RIPOR3: variants seen among roughly 807,000 people sequenced by gnomAD.
RIPOR3 encodes the protein family with sequence similarity 65 member C.
Under a neutral mutation model 114.3 loss-of-function variants are expected in RIPOR3, and 95 were observed. The observed-to-expected ratio is 0.83, with a 90% CI of 0.70 to 0.99. The LOEUF (loss-of-function observed/expected upper bound fraction) is 0.99. RIPOR3 is among the 50% of genes least tolerant of loss of function. The pLI, the probability that RIPOR3 is intolerant of heterozygous loss-of-function variation, is 0.00. For missense variants in RIPOR3, 1,252 were observed against 1,266.9 expected (o/e 0.99, Z 0.18); for synonymous variants, 575 against 543.8 (o/e 1.06, Z -0.80).
intron 2 of RIPOR3, among the ~76,000 whole-genome samples, chr20:50,626,103 A>G (rs557009133): frequency 6.6e-6 from 1 of 152,342 alleles, no homozygotes; most frequent in East Asian, 1.9e-4. Context: ...TGCTCGGGTT[A>G]CCAGGGAACA....
chr20:50,619,965 C>T, intron 3 of RIPOR3, 21 bp downstream of exon 3: 1 of 1,603,018 alleles, frequency 6.2e-7, no homozygotes, highest in Middle Eastern at 1.7e-4. Context: ...TTCTTAAAGG[C>T]AGCACACAGC....
chr20:50,640,105 C>A (rs2085134712), intron 1 of RIPOR3, among the ~76,000 whole-genome samples: 1 of 152,106 alleles, frequency 6.6e-6, no homozygotes, highest in Admixed American at 6.6e-5. Flanking sequence ...CAGTATTGCT[C>A]GGGCACCTTC....
intron 1 of RIPOR3, among the ~76,000 whole-genome samples, chr20:50,641,218 T>A (rs2085182011): frequency 6.6e-6 from 1 of 151,678 alleles, no homozygotes; most frequent in African/African-American, 2.4e-5. Flanking sequence ...GCTCACTTCT[T>A]TTTTTTTCTG....
intron 13 of RIPOR3, among the ~76,000 whole-genome samples, chr20:50,599,239 A>G (rs962096721): frequency 6.6e-6 from 1 of 152,086 alleles, no homozygotes; most frequent in Non-Finnish European, 1.5e-5. Flanking sequence ...TAAAAATACA[A>G]AAATTAGCCG....
intron 3 of RIPOR3, 108 bp from the exon 4 acceptor site, chr20:50,616,188 C>G (rs77423028): frequency 0.062 from 70,428 of 1,130,232 alleles, 2,714 homozygotes; most frequent in Non-Finnish European, 0.075. Flanking sequence ...CGGGGCTCAG[C>G]GGGGCTCAGA....
chr20:50,656,650 C>T (rs2085822214), intron 1 of RIPOR3, among the ~76,000 whole-genome samples: 1 of 151,124 alleles, frequency 6.6e-6, no homozygotes, highest in Non-Finnish European at 1.5e-5. Flanking sequence ...CAGGCACCCA[C>T]CACCATGCCC....
chr20:50,594,418 T>G, intron 17 of RIPOR3, 135 bp downstream of exon 17: 2 of 1,084,866 alleles, frequency 1.8e-6, no homozygotes, highest in South Asian at 1.8e-5. Context: ...CTGAGAAAGC[T>G]CCTCCGTCCG....
At chr20:50,668,950 G>C (rs540610115) in intron 1 of RIPOR3, among the ~76,000 whole-genome samples, 1 of 151,748 alleles carries the variant, frequency 6.6e-6, no homozygotes, top group Admixed American at 6.6e-5. Context: ...GCATTCACAT[G>C]CACACATGCC....
At chr20:50,668,891 G>A (rs1159951300) in intron 1 of RIPOR3, among the ~76,000 whole-genome samples, 4 of 151,812 alleles carry the variant, frequency 2.6e-5, no homozygotes, top group African/African-American at 9.7e-5. Flanking sequence ...TGATGAGGCT[G>A]CACACACACA....
chr20:50,674,885 C>T (rs1178085534), intron 1 of RIPOR3, among the ~76,000 whole-genome samples: 1 of 151,832 alleles, frequency 6.6e-6, no homozygotes, highest in African/African-American at 2.4e-5. Context: ...GAGTTCAAGA[C>T]CGGCCTGGGC....
chr20:50,661,488 A>G (rs2085994790), intron 1 of RIPOR3, among the ~76,000 whole-genome samples: 1 of 152,198 alleles, frequency 6.6e-6, no homozygotes, highest in African/African-American at 2.4e-5. Flanking sequence ...CCAAACAAAC[A>G]TTCCTCCCTA....
At chr20:50,651,206 G>A (rs2085593486) in intron 1 of RIPOR3, among the ~76,000 whole-genome samples, 1 of 151,960 alleles carries the variant, frequency 6.6e-6, no homozygotes, top group Non-Finnish European at 1.5e-5. Flanking sequence ...GAGGCCTCTA[G>A]AAGCTGAAAG....
chr20:50,633,980 C>CTTTTTTTTTTTTTT (rs375758598), intron 1 of RIPOR3, among the ~76,000 whole-genome samples: 1 of 131,036 alleles, frequency 7.6e-6, no homozygotes, highest in Non-Finnish European at 1.6e-5. Context: ...TCTTTCTTTT[C>CTTTTTTTTTTTTTT]TTTTTTTTTT....
At position 50,608,873 on chromosome 20, in the gene RIPOR3, C is replaced by T. The variant is rs181394831; in HGVS notation, c.684+39G>A. ...CAGCTCCCGTCCCCCAAAGACCTGG[C>T]GGGGAGCCCTGAGGATTGACCCCAG... is the stretch of plus-strand genomic sequence containing the variant. On this transcript the variant is annotated intron_variant, in intron 9 of 21. Coordinates refer to ENST00000327979, the MANE Select transcript of RIPOR3 (RefSeq NM_001290268.2). 6,912 of 1,601,540 alleles carry T rather than the reference C, an allele frequency of 4.3e-3. 43 individuals are homozygous for T. The highest frequency in any genetic ancestry group is 0.012 in the South Asian group (1,079 of 89,796).
intron 19 of RIPOR3, among the ~76,000 whole-genome samples, chr20:50,591,329 CAT>C (rs1225308946): frequency 3.9e-5 from 6 of 152,150 alleles, no homozygotes; most frequent in African/African-American, 1.4e-4. Context: ...CCTTTTGACA[CAT>C]ATAGTTAACT....
At chr20:50,629,632 C>A (rs1448585457) in intron 2 of RIPOR3, among the ~76,000 whole-genome samples, 1 of 152,206 alleles carries the variant, frequency 6.6e-6, no homozygotes, top group Non-Finnish European at 1.5e-5. Flanking sequence ...CCCATCTGTG[C>A]CAAGCCTGCT....
chr20:50,666,503 C>G (rs1337539170), intron 1 of RIPOR3, among the ~76,000 whole-genome samples: 1 of 151,584 alleles, frequency 6.6e-6, no homozygotes, highest in Non-Finnish European at 1.5e-5. Flanking sequence ...GGATTACAGG[C>G]GTGAGTCACC....
Position 50,611,177 on chromosome 20 carries a change from T to C in RIPOR3, c.372+4A>G. 6.2e-7 allele frequency: 1 copy of C among 1,614,134 alleles called. No homozygotes were observed. The highest frequency in any genetic ancestry group is 1.1e-5 in the South Asian group (1 of 91,080). ...CCCACCTCACTCACCGTATGCAGAC[T>C]CACCTTGTCCAGGTCATAATAGAAA... On this transcript the variant is annotated splice_donor_region_variant and intron_variant, in intron 5 of 21. Transcript: ENST00000327979.
chr20:50,594,688 C>G lies in RIPOR3; in HGVS notation c.2077G>C (p.Gly693Arg), dbSNP rs1386067077. 1 of 1,612,434 alleles carries G rather than the reference C, an allele frequency of 6.2e-7. No individual in the cohort carries two copies. Among genetic ancestry groups the G allele is most frequent in the Non-Finnish European group, 8.5e-7 (1 of 1,178,822 alleles). The part of the protein sequence containing the change: ...EIIPQASRTK[G>R]CLKLWRGCTG... ...CACCCTCTCCACAGCTTCAGGCACC[C>G]CTTCGTCCGCGAGGCCTGTGGGATG... The change falls in exon 17 of 22, where the codon GGG becomes CGG. Residue 693 changes from glycine to arginine, a missense_variant. By Grantham distance (125) the Gly-to-Arg change is moderately radical. Transcript: ENST00000327979.
Sources: gnomAD v4.1 joint callset for allele counts (sites outside exome capture counted in the v4.1 genomes callset) on GRCh38, gnomAD v4.1.1 for gene constraint, MANE v1.5 for transcripts, NCBI Gene and HGNC (gene_info 2026-07-23, HGNC 2026-07-21) for gene names.